The following ATP6V0D2 variants were observed in gnomAD, a reference collection of about 807,000 sequenced individuals.
ATP6V0D2 encodes the protein ATPase H+ transporting V0 subunit d2, also known as V-type proton ATPase subunit d 2.
In ATP6V0D2, 40 loss-of-function variants were observed where a neutral mutation model predicts 40.0. The ratio of observed to expected loss-of-function variants is 1.00; its 90% CI spans 0.78 to 1.30. The LOEUF (loss-of-function observed/expected upper bound fraction) is 1.30, where lower values mean the gene tolerates loss of function less well. Among genes scored for constraint, ATP6V0D2 ranks in the 50% most tolerant of loss-of-function variants. The pLI is 0.00. For synonymous variants in ATP6V0D2, 179 were observed against 156.3 expected (o/e 1.15, Z -1.08); for missense variants, 470 against 423.1 (o/e 1.11, Z -0.97).
Position 86,145,255 on chromosome 8 carries a change from G to GAGAAAGAA in ATP6V0D2, c.639+2351_639+2358dup, listed in dbSNP as rs1179936581. On this transcript the variant is annotated intron_variant, in intron 5 of 7. Coordinates refer to ENST00000285393, the MANE Select transcript of ATP6V0D2 (RefSeq NM_152565.1). ...AGAAAGAGAGAGAGAGAGAGAGAGA[G>GAGAAAGAA]AGAAAGAAAGAAAGAAAGAAAGAAA... Among the ~76,000 whole-genome samples, 39 of 51,814 alleles carry GAGAAAGAA rather than the reference G, an allele frequency of 7.5e-4. 1 individual carries two copies. The highest frequency in any genetic ancestry group is 1.7e-3 in the South Asian group (3 of 1,812). The allele number at this position is 51,814 out of a possible 152,430, so 34.0% of individuals were successfully genotyped here.
chr8:86,151,420 T>C, intron 6 of ATP6V0D2, 46 bp from the exon 7 acceptor site: 1 of 1,287,342 alleles, frequency 7.8e-7, no homozygotes, highest in East Asian at 2.6e-5. Context: ...TATATACATT[T>C]ATAAGAAATG....
intron 2 of ATP6V0D2, among the ~76,000 whole-genome samples, chr8:86,121,245 G>T (rs1436045596): frequency 6.6e-6 from 1 of 152,114 alleles, no homozygotes; most frequent in Non-Finnish European, 1.5e-5. Context: ...TTCAGTTGCT[G>T]TCTGTAGACC....
intron 2 of ATP6V0D2, among the ~76,000 whole-genome samples, chr8:86,119,090 T>C (rs1044039951): frequency 1.3e-5 from 2 of 152,156 alleles, no homozygotes; most frequent in South Asian, 4.1e-4. Context: ...TACTTTGGGA[T>C]TGGGAAACAA....
chr8:86,127,997 A>C (rs1377744039), intron 2 of ATP6V0D2, among the ~76,000 whole-genome samples: 1 of 152,030 alleles, frequency 6.6e-6, no homozygotes, highest in Non-Finnish European at 1.5e-5. Flanking sequence ...TGGAAAGATC[A>C]CTTGAGCCCA....
At chr8:86,146,092 C>CAGA (rs1218843953) in intron 5 of ATP6V0D2, among the ~76,000 whole-genome samples, 2 of 152,152 alleles carry the variant, frequency 1.3e-5, no homozygotes, top group Non-Finnish European at 2.9e-5. Flanking sequence ...CATAGTGCCT[C>CAGA]TGCATTAAAT....
intron 2 of ATP6V0D2, among the ~76,000 whole-genome samples, chr8:86,139,227 CAAA>C (rs35331724): frequency 2.9e-4 from 35 of 120,224 alleles, no homozygotes; most frequent in Admixed American, 3.4e-4. Flanking sequence ...GACTTGGTCT[CAAA>C]AAAAAAAAAA....
chr8:86,131,055 C>A (rs1169533421), intron 2 of ATP6V0D2, among the ~76,000 whole-genome samples: 1 of 152,058 alleles, frequency 6.6e-6, no homozygotes, highest in Non-Finnish European at 1.5e-5. Flanking sequence ...GTCCAATGTC[C>A]CTTCTGTCCC....
intron 5 of ATP6V0D2, among the ~76,000 whole-genome samples, chr8:86,144,502 G>A (rs2626340): frequency 0.86 from 131,316 of 152,116 alleles, 56,871 homozygotes; most frequent in African/African-American, 0.92. Flanking sequence ...TCATTTGCAA[G>A]TATTTCAACC....
intron 1 of ATP6V0D2, among the ~76,000 whole-genome samples, chr8:86,108,265 C>G (rs755583057): frequency 6.6e-6 from 1 of 152,206 alleles, no homozygotes; most frequent in African/African-American, 2.4e-5. Flanking sequence ...CCTCAGCTTC[C>G]TGAGTATGGG....
rs562216198 is a variant in ATP6V0D2 at position 86,139,703 on chromosome 8, T to C, written c.481+68T>C. The C allele has an allele frequency of 4.0e-5, 59 of 1,468,084 alleles. No individual in the cohort carries two copies. In the South Asian group the frequency reaches 7.5e-4, roughly 19 times the overall value. The allele number at this position is 1,468,084 out of a possible 1,614,324, so 90.9% of individuals were successfully genotyped here. ...TCACAGTCATTAGAAAATGTACTATTTTTTTCTTCCCTGTGGTCCAAAAGA... is the reference window on the plus strand; with the variant it reads ...TCACAGTCATTAGAAAATGTACTATCTTTTTCTTCCCTGTGGTCCAAAAGA... On this transcript the variant is annotated intron_variant, in intron 3 of 7. Coordinates refer to ENST00000285393, the MANE Select transcript of ATP6V0D2 (RefSeq NM_152565.1).
At position 86,150,146 on chromosome 8, in the gene ATP6V0D2, T is replaced by C. The variant is rs773083222; in HGVS notation, c.674T>C (p.Leu225Pro). 6.8e-6 allele frequency: 11 copies of C among 1,613,700 alleles called. No homozygotes were observed. The East Asian group carries it at 2.5e-4, about 36-fold the overall frequency. Residue 225 changes from leucine to proline, a missense_variant, in exon 6 of 8, where the codon CTT becomes CCT. Transcript: ENST00000285393. ...EADRRAFIIT[L>P]NSFGTELSKE... ...GACAGACGTGCTTTTATCATCACTC[T>C]TAACTCCTTTGGCACTGAATTGAGC...
intron 5 of ATP6V0D2, among the ~76,000 whole-genome samples, chr8:86,149,773 G>A (rs569450445): frequency 6.6e-6 from 1 of 152,076 alleles, no homozygotes; most frequent in African/African-American, 2.4e-5. Flanking sequence ...TAAGAAATAG[G>A]TATTCTCCTT....
intron 1 of ATP6V0D2, 30 bp downstream of exon 1, chr8:86,099,138 AG>A (rs746065568): frequency 4.7e-5 from 72 of 1,534,886 alleles, no homozygotes; most frequent in South Asian, 2.1e-4. Context: ...CCCTTTAAAA[AG>A]AAAAAAAAAA....
intron 1 of ATP6V0D2, among the ~76,000 whole-genome samples, chr8:86,111,086 C>T (rs949139191): frequency 6.6e-6 from 1 of 152,224 alleles, no homozygotes. Flanking sequence ...GTTATTCCTC[C>T]TAACTGAATC....
chr8:86,122,248 C>G (rs965369401), intron 2 of ATP6V0D2, among the ~76,000 whole-genome samples: 1 of 152,064 alleles, frequency 6.6e-6, no homozygotes, highest in Non-Finnish European at 1.5e-5. Context: ...AGAGGATGAC[C>G]AAGGAAATGT....
intron 2 of ATP6V0D2, among the ~76,000 whole-genome samples, chr8:86,138,025 C>T (rs1249063484): frequency 6.6e-6 from 1 of 152,150 alleles, no homozygotes; most frequent in African/African-American, 2.4e-5. Flanking sequence ...AGTGTAAGGG[C>T]AGTCAGTATC....
rs1819081044 is a variant in ATP6V0D2 at position 86,147,092 on chromosome 8, G to C, written c.640-3020G>C. Among the ~76,000 whole-genome samples, 3 of 152,132 alleles carry C rather than the reference G, an allele frequency of 2.0e-5. 1 individual carries two copies. In the South Asian group the frequency reaches 6.2e-4, roughly 32 times the overall value. ...TTTACTCCTACTCTTCAATCTTATG[G>C]TTAATAGGGCAGTGAAAAACAATCA... On this transcript the variant is annotated intron_variant, in intron 5 of 7. Coordinates refer to ENST00000285393, the MANE Select transcript of ATP6V0D2 (RefSeq NM_152565.1).
intron 2 of ATP6V0D2, among the ~76,000 whole-genome samples, chr8:86,135,260 C>T (rs1818881850): frequency 6.6e-6 from 1 of 152,144 alleles, no homozygotes; most frequent in East Asian, 1.9e-4. Flanking sequence ...AATATTTGAC[C>T]TCTTAGCAAC....
intron 6 of ATP6V0D2, 50 bp downstream of exon 6, chr8:86,150,338 A>G (rs2129645562): frequency 6.4e-7 from 1 of 1,558,960 alleles, no homozygotes; most frequent in Admixed American, 1.8e-5. Flanking sequence ...ATTCATTTCC[A>G]TGTGCTTTAG....
Sources: allele counts gnomAD v4.1 joint callset (sites outside exome capture counted in the v4.1 genomes callset), GRCh38; gene constraint gnomAD v4.1.1; transcripts MANE v1.5; gene names NCBI Gene and HGNC (gene_info 2026-07-23, HGNC 2026-07-21).